The following RGS12 variants were observed in gnomAD, a reference collection of about 807,000 sequenced individuals.
RGS12 encodes regulator of G protein signaling 12, also known as regulator of G-protein signaling 12.
In RGS12, 66 loss-of-function variants were observed where a neutral mutation model predicts 120.1. That is an observed-to-expected ratio of 0.55 (90% CI 0.45 to 0.67). RGS12 has a LOEUF of 0.67. Among genes scored for constraint, RGS12 ranks in the 30% least tolerant of loss-of-function variants. RGS12 has a pLI of 0.00. For synonymous variants in RGS12, 827 were observed against 804.7 expected, an observed-to-expected ratio of 1.03 and a Z score of -0.47; for missense variants, 1,859 against 1,957.7, an observed-to-expected ratio of 0.95 and a Z score of 0.95.
At chr4:3,431,487 G>A in intron 17 of RGS12, 2 of 988,428 alleles carry the variant, frequency 2.0e-6, no homozygotes, top group South Asian at 9.3e-5. Flanking sequence ...AGGTGGTGTG[G>A]GTGCTCGGGA....
At chr4:3,332,887 C>T (rs6852922) in intron 2 of RGS12, among the ~76,000 whole-genome samples, 44,931 of 151,894 alleles carry the variant, frequency 0.3, 6,731 homozygotes, top group African/African-American at 0.37. Flanking sequence ...TGCAGTGGTG[C>T]GATCTCGGCT....
At chr4:3,434,334 C>T (rs923334199) in intron 17 of RGS12, among the ~76,000 whole-genome samples, 1 of 152,142 alleles carries the variant, frequency 6.6e-6, no homozygotes, top group Admixed American at 6.5e-5. Context: ...CCCTTGATAC[C>T]GGGGGATTAT....
chr4:3,342,904 G>T (rs1285368072), intron 2 of RGS12, 33 bp from the exon 3 acceptor site: 3 of 1,436,466 alleles, frequency 2.1e-6, no homozygotes, highest in African/African-American at 2.8e-5. Flanking sequence ...CTTTGCAAAA[G>T]AATAACCTGA....
At position 3,430,927 on chromosome 4, in the gene RGS12, C is replaced by T; in HGVS notation, c.4086C>T (p.Pro1362=). ...NSTLLPPPST[P]QEVPGPSRPG... ...CCTTGCTGCCGCCGCCCTCCACCCC[C>T]CAGGAAGTGCCAGGACCTTCCAGAC... Residue 1362 remains proline (P), a synonymous_variant, in exon 17 of 18, where the codon CCC becomes CCT. Coordinates refer to ENST00000336727, the MANE Select transcript of RGS12 (RefSeq NM_001394154.1). 2 of 1,612,750 alleles carry T rather than the reference C, an allele frequency of 1.2e-6. No homozygotes were observed. Among genetic ancestry groups the T allele is most frequent in the Non-Finnish European group, 1.7e-6 (2 of 1,179,968 alleles).
At chr4:3,326,277 C>T (rs116829201) in intron 2 of RGS12, among the ~76,000 whole-genome samples, 2,013 of 152,266 alleles carry the variant, frequency 0.013, 9 homozygotes, top group Non-Finnish European at 0.019. Flanking sequence ...GACAAAGTCT[C>T]GCTCTGTCAC....
chr4:3,424,067 A>C (rs555156566), intron 13 of RGS12, among the ~76,000 whole-genome samples: 141 of 152,334 alleles, frequency 9.3e-4, no homozygotes, highest in Non-Finnish European at 1.8e-3. Flanking sequence ...TCTCACCTGC[A>C]CTTTGTAGAT....
intron 16 of RGS12, among the ~76,000 whole-genome samples, chr4:3,429,017 A>G (rs1011045691): frequency 2.0e-5 from 3 of 152,166 alleles, no homozygotes; most frequent in African/African-American, 4.8e-5. Flanking sequence ...GCTCCTCCCT[A>G]TGGCCCCACC....
chr4:3,381,477 G>A (rs938306482), intron 3 of RGS12, among the ~76,000 whole-genome samples: 6 of 152,154 alleles, frequency 3.9e-5, no homozygotes, highest in African/African-American at 1.4e-4. Context: ...AAAGGAAATG[G>A]GTTTAATTGA....
intron 3 of RGS12, among the ~76,000 whole-genome samples, chr4:3,360,300 C>T (rs1715435003): frequency 6.6e-6 from 1 of 151,980 alleles, no homozygotes; most frequent in African/African-American, 2.4e-5. Flanking sequence ...TTTGTTGATC[C>T]TTTCAAAGAA....
At chr4:3,344,477 C>T (rs886773658) in intron 3 of RGS12, among the ~76,000 whole-genome samples, 1 of 152,212 alleles carries the variant, frequency 6.6e-6, no homozygotes, top group Non-Finnish European at 1.5e-5. Flanking sequence ...TCATTTTCCT[C>T]CTTTTCTGTT....
At chr4:3,423,415 T>C in intron 12 of RGS12, 100 bp from the exon 13 acceptor site, 1 of 1,504,696 alleles carries the variant, frequency 6.6e-7, no homozygotes, top group Non-Finnish European at 9.1e-7. Context: ...CACCGAGGCC[T>C]TGAGGGCGGC....
chr4:3,308,451 G>C (rs1724095427), intron 1 of RGS12, among the ~76,000 whole-genome samples: 2 of 152,248 alleles, frequency 1.3e-5, no homozygotes, highest in African/African-American at 4.8e-5. Flanking sequence ...TTTGCAGATT[G>C]TAAGTCTTGG....
At chr4:3,411,980 G>A (rs1365489167) in intron 4 of RGS12, among the ~76,000 whole-genome samples, 4 of 152,256 alleles carry the variant, frequency 2.6e-5, no homozygotes, top group African/African-American at 7.2e-5. Flanking sequence ...ACTTCAGTGC[G>A]TGCTGGCGGC....
chr4:3,290,357 C>T (rs1162559384), upstream of RGS12, among the ~76,000 whole-genome samples: 2 of 152,248 alleles, frequency 1.3e-5, no homozygotes, highest in Non-Finnish European at 2.9e-5. Context: ...CAAACTGAAA[C>T]TGTCAATAAC....
chr4:3,360,551 G>A (rs75741501), intron 3 of RGS12, among the ~76,000 whole-genome samples: 2,771 of 151,948 alleles, frequency 0.018, 71 homozygotes, highest in African/African-American at 0.059. Context: ...TGTTCCATAC[G>A]TTTTGGTATG....
intron 13 of RGS12, among the ~76,000 whole-genome samples, chr4:3,424,282 G>T (rs576602922): frequency 2.6e-5 from 4 of 152,262 alleles, no homozygotes; most frequent in Non-Finnish European, 5.9e-5. Context: ...CTTTATTGGA[G>T]CAATGATTTC....
intron 3 of RGS12, among the ~76,000 whole-genome samples, chr4:3,364,279 A>G (rs1252721072): frequency 6.6e-6 from 1 of 152,118 alleles, no homozygotes; most frequent in East Asian, 1.9e-4. Context: ...CGTTACGTCC[A>G]TCTGCCGTAA....
In RGS12 at chr4:3,428,214, GTGGCCCCCGCCTGCCC is replaced by G. The variant is rs774148731; in HGVS notation, c.3411+48_3411+63del. 12 of 1,547,154 alleles carry G rather than the reference GTGGCCCCCGCCTGCCC, an allele frequency of 7.8e-6. No individual in the cohort carries two copies. The South Asian group carries it at 1.3e-4, about 17-fold the overall frequency. ...CACCCTGTGCCCTGCTCCTCTCGCT[GTGGCCCCCGCCTGCCC>G]TGCGCAGTGCCCTGGTGCTTCCTTA... On this transcript the variant is annotated intron_variant, in intron 15 of 17. Coordinates refer to ENST00000336727, the MANE Select transcript of RGS12 (RefSeq NM_001394154.1).
At chr4:3,377,086 A>G (rs1448141131) in intron 3 of RGS12, among the ~76,000 whole-genome samples, 6 of 148,762 alleles carry the variant, frequency 4.0e-5, no homozygotes, top group Non-Finnish European at 7.4e-5. Flanking sequence ...ATCACGGCTC[A>G]CTGCAGCCTT....
Sources: gnomAD v4.1 joint callset for allele counts (sites outside exome capture counted in the v4.1 genomes callset) on GRCh38, gnomAD v4.1.1 for gene constraint, MANE v1.5 for transcripts, NCBI Gene and HGNC (gene_info 2026-07-23, HGNC 2026-07-21) for gene names.